The following ERI3 variants were observed in gnomAD, a reference collection of about 807,000 sequenced individuals.
The protein encoded by ERI3 is ERI1 exoribonuclease 3.
ERI3 carries 18 observed loss-of-function variants against 44.4 expected under a neutral mutation model. That is an observed-to-expected ratio of 0.41 (90% CI 0.28 to 0.60). ERI3 has a LOEUF of 0.60. Ranked by LOEUF, ERI3 falls within the 20% of genes least tolerant of loss-of-function variation. The pLI, the probability that ERI3 is intolerant of heterozygous loss-of-function variation, is 0.36. For synonymous variants in ERI3, 183 were observed against 164.8 expected (o/e 1.11, Z -0.84); for missense variants, 294 against 435.5 (o/e 0.68, Z 2.89).
chr1:44,290,500 C>T (rs973718720), intron 6 of ERI3, among the ~76,000 whole-genome samples: 8 of 152,174 alleles, frequency 5.3e-5, no homozygotes, highest in African/African-American at 1.7e-4. Flanking sequence ...ATAACTGCCA[C>T]GATTTCCTAT....
intron 7 of ERI3, among the ~76,000 whole-genome samples, chr1:44,261,963 A>G (rs766405969): frequency 6.6e-6 from 1 of 152,146 alleles, no homozygotes; most frequent in South Asian, 2.1e-4. Flanking sequence ...GCAGAACAGG[A>G]AGGGAACAGA....
At position 44,221,268 on chromosome 1, in the gene ERI3, C is replaced by T. The variant is rs1007521343; in HGVS notation, c.*290G>A. On this transcript the variant is annotated 3_prime_UTR_variant, in exon 9 of 9. Transcript: ENST00000372257. This position sits in a 1 kb window ranked among gnomAD's most constrained non-coding sequence, Gnocchi z 5.9. ...AGAAGCCTGTGTACCAGGGAGGAGG[C>T]GGTGAGTGCCTGGGTCCCCCTAGCC... 2.3e-5 allele frequency: 10 copies of T among 438,556 alleles called. No individual in the cohort carries two copies. Among genetic ancestry groups the T allele is most frequent in the South Asian group, 8.1e-5 (3 of 37,100 alleles). The allele number at this position is 438,556 out of a possible 1,614,324, so 27.2% of individuals were successfully genotyped here. A position where few individuals can be genotyped will look rare whatever the true frequency, so the allele number is the denominator to read the frequency against.
At chr1:44,346,801 T>A (rs1257784949) in intron 2 of ERI3, among the ~76,000 whole-genome samples, 1 of 152,140 alleles carries the variant, frequency 6.6e-6, no homozygotes, top group East Asian at 1.9e-4. Flanking sequence ...TTTGTAATAA[T>A]AGCTATAATA....
chr1:44,329,464 A>G (rs1225601503), intron 3 of ERI3, among the ~76,000 whole-genome samples: 2 of 152,066 alleles, frequency 1.3e-5, no homozygotes, highest in African/African-American at 4.8e-5. Flanking sequence ...CATCAGCCCT[A>G]CCCACCCATC....
intron 2 of ERI3, among the ~76,000 whole-genome samples, chr1:44,344,090 T>A (rs1646737364): frequency 6.6e-6 from 1 of 151,662 alleles, no homozygotes; most frequent in Non-Finnish European, 1.5e-5. Flanking sequence ...AATACAAAAA[T>A]TAGCCAGGCA....
rs1644444852 is a variant in ERI3 at position 44,241,844 on chromosome 1, A to ATACG, written c.931+6094_931+6095insCGTA. 2 of 438,570 alleles carry ATACG rather than the reference A, an allele frequency of 4.6e-6. No homozygotes were observed. Among genetic ancestry groups the ATACG allele is most frequent in the Non-Finnish European group, 6.1e-6 (2 of 330,110 alleles). 27.2% of individuals were successfully genotyped at this position (438,570 alleles called of 1,614,324 possible). The stretch of plus-strand genomic sequence containing the variant: ...CATACATACATACATACATACATAC[A>ATACG]TACATACAGGAGAACCTTCTTCCAT... On this transcript the variant is annotated intron_variant, in intron 8 of 8. Transcript: ENST00000372257. The surrounding 1 kb of genome is among the most constrained non-coding windows in gnomAD (Gnocchi z 5.6).
At chr1:44,318,870 G>A (rs933918497) in intron 4 of ERI3, among the ~76,000 whole-genome samples, 1 of 152,206 alleles carries the variant, frequency 6.6e-6, no homozygotes, top group Non-Finnish European at 1.5e-5. Flanking sequence ...ACCACAGCCT[G>A]TTGGCCACCA....
intron 5 of ERI3, among the ~76,000 whole-genome samples, chr1:44,309,704 A>T (rs190341221): frequency 2.0e-5 from 3 of 151,742 alleles, no homozygotes; most frequent in African/African-American, 7.2e-5. Flanking sequence ...AGCTGGGACT[A>T]CAGGCGCCTG....
Position 44,339,424 on chromosome 1 carries a change from C to T in ERI3, c.212-102G>A, listed in dbSNP as rs537784683. The T allele has an allele frequency of 6.3e-6, 8 of 1,272,720 alleles. No homozygotes were observed. The South Asian group carries it at 1.0e-4, about 17-fold the overall frequency. 78.8% of individuals were successfully genotyped at this position (1,272,720 alleles called of 1,614,324 possible). ...TACTCCCTCCCACTGTGGCCCTGTT[C>T]CATCTAGTCTTCAGGAATATCCACG... On this transcript the variant is annotated intron_variant, in intron 2 of 8. Coordinates refer to ENST00000372257, the MANE Select transcript of ERI3 (RefSeq NM_024066.3).
chr1:44,324,246 T>C (rs1242434056), intron 3 of ERI3, among the ~76,000 whole-genome samples: 1 of 152,092 alleles, frequency 6.6e-6, no homozygotes, highest in African/African-American at 2.4e-5. Flanking sequence ...CACAAAACTC[T>C]CCGCAGAATC....
chr1:44,311,381 G>A (rs566354587), intron 5 of ERI3, among the ~76,000 whole-genome samples: 2 of 152,072 alleles, frequency 1.3e-5, no homozygotes, highest in Non-Finnish European at 2.9e-5. Flanking sequence ...GCCTTGGTTC[G>A]GACAAGAAAT....
intron 8 of ERI3, among the ~76,000 whole-genome samples, chr1:44,239,864 G>A (rs938604136): frequency 1.3e-5 from 2 of 152,210 alleles, no homozygotes; most frequent in Non-Finnish European, 2.9e-5. Flanking sequence ...CACATCAAAC[G>A]GCAGGATCTG....
At chr1:44,331,811 C>T (rs1242023647) in intron 3 of ERI3, among the ~76,000 whole-genome samples, 3 of 152,144 alleles carry the variant, frequency 2.0e-5, no homozygotes, top group Non-Finnish European at 4.4e-5. Flanking sequence ...TTCTGAATGG[C>T]CTCAGGTCCA....
intron 7 of ERI3, among the ~76,000 whole-genome samples, chr1:44,256,582 G>A (rs952066556): frequency 1.3e-5 from 2 of 152,184 alleles, no homozygotes; most frequent in Admixed American, 6.5e-5. Flanking sequence ...CGGAACCTGA[G>A]TGGGATAATT....
At chr1:44,262,734 G>A (rs564664742) in intron 7 of ERI3, among the ~76,000 whole-genome samples, 1 of 152,340 alleles carries the variant, frequency 6.6e-6, no homozygotes, top group African/African-American at 2.4e-5. Context: ...TGAGGTACAG[G>A]AAAGACCTAA....
chr1:44,304,226 G>C (rs779127264), intron 6 of ERI3, among the ~76,000 whole-genome samples: 1 of 152,090 alleles, frequency 6.6e-6, no homozygotes, highest in Non-Finnish European at 1.5e-5. Flanking sequence ...TCTCCAGTTG[G>C]AGAAAAAGAT....
intron 7 of ERI3, among the ~76,000 whole-genome samples, chr1:44,272,777 T>G (rs1456124228): frequency 1.3e-5 from 2 of 151,546 alleles, no homozygotes; most frequent in African/African-American, 4.9e-5. Flanking sequence ...GAGGCAGAGG[T>G]TGTAGTAAGC....
At chr1:44,352,710 C>CA (rs1208339518) in intron 2 of ERI3, 140 bp downstream of exon 2, 4 of 882,964 alleles carry the variant, frequency 4.5e-6, no homozygotes, top group South Asian at 1.7e-5. Flanking sequence ...GAAGAAGCTA[C>CA]AAAAAAATAT....
chr1:44,341,065 C>T (rs1355152423), intron 2 of ERI3, among the ~76,000 whole-genome samples: 1 of 152,188 alleles, frequency 6.6e-6, no homozygotes, highest in African/African-American at 2.4e-5. Context: ...TCTGAAAGTC[C>T]TAATGTTCTA....
Sources: gnomAD v4.1 joint callset for allele counts (sites outside exome capture counted in the v4.1 genomes callset) on GRCh38, gnomAD v4.1.1 for gene constraint, Gnocchi (gnomAD v3.1) non-coding constraint, MANE v1.5 for transcripts, NCBI Gene and HGNC (gene_info 2026-07-23, HGNC 2026-07-21) for gene names.